Variants in MYO18B observed in about 807,000 individuals in gnomAD.
MYO18B encodes myosin XVIIIB, also known as unconventional myosin-XVIIIb.
In MYO18B, 204 loss-of-function variants were observed where a neutral mutation model predicts 273.0. The observed-to-expected ratio is 0.75, with a 90% CI of 0.67 to 0.84. The LOEUF is 0.84. MYO18B is among the 40% of genes least tolerant of loss of function. The probability of loss-of-function intolerance (pLI) is 0.00; values close to 1 mark genes in which losing one functional copy is unlikely to be tolerated. For missense variants in MYO18B, 3,212 were observed against 3,287.6 expected (o/e 0.98, Z 0.56); for synonymous variants, 1,330 against 1,305.7 (o/e 1.02, Z -0.40).
the MYO18B span, among the ~76,000 whole-genome samples, chr22:26,062,046 C>T: frequency 6.6e-6 from 1 of 152,168 alleles, no homozygotes; most frequent in African/African-American, 2.4e-5. Context: ...AACTTTTCTT[C>T]TCTGTGTGGG....
At chr22:25,972,112 CA>C (rs796261961) in intron 39 of MYO18B, among the ~76,000 whole-genome samples, 2,665 of 130,470 alleles carry the variant, frequency 0.02, 77 homozygotes, top group African/African-American at 0.068. Flanking sequence ...GAGACTGTCT[CA>C]AAAAAAAAAA....
At chr22:26,028,120 C>T (rs1244710668) in intron 43 of MYO18B, among the ~76,000 whole-genome samples, 1 of 152,040 alleles carries the variant, frequency 6.6e-6, no homozygotes, top group Non-Finnish European at 1.5e-5. Context: ...TGACGGGCGC[C>T]TGTAATCCCA....
the MYO18B span, among the ~76,000 whole-genome samples, chr22:26,043,498 CT>C: frequency 2.2e-3 from 319 of 144,716 alleles, 3 homozygotes; most frequent in African/African-American, 7.7e-3. Flanking sequence ...TTTCTTCTTC[CT>C]TTTTTTTCTT....
intron 25 of MYO18B, among the ~76,000 whole-genome samples, chr22:25,889,160 A>G (rs556885378): frequency 5.3e-4 from 79 of 148,748 alleles, no homozygotes; most frequent in Non-Finnish European, 1.0e-3. Context: ...CCCTTTGGCA[A>G]TATATCTTGG....
rs1304083075 is a variant in MYO18B at position 25,772,497 on chromosome 22, C to T, written c.1856C>T (p.Pro619Leu). 6 of 1,613,656 alleles carry T rather than the reference C, an allele frequency of 3.7e-6. No individual in the cohort carries two copies. The East Asian group carries it at 1.3e-4, about 36-fold the overall frequency. The change falls in exon 7 of 44, where the codon CCT (proline) becomes CTT (leucine). Residue 619 changes from proline (P) to leucine (L), a missense_variant. By Grantham distance (98) the Pro-to-Leu change is moderately conservative (BLOSUM62 -3). Transcript: ENST00000335473. ...IVLQPRGPSV[P>L]SAGKVPKGRR... ...CTCCAGCCCCGGGGGCCCTCGGTGC[C>T]TTCTGCAGGGAAGGTGAGGTGGGAC... is the stretch of plus-strand genomic sequence containing the variant.
At chr22:25,755,436 C>A (rs149956237) in intron 1 of MYO18B, among the ~76,000 whole-genome samples, 1 of 152,338 alleles carries the variant, frequency 6.6e-6, no homozygotes, top group South Asian at 2.1e-4. Flanking sequence ...GAACTCCTGA[C>A]CTCAGGTGAT....
the MYO18B span, among the ~76,000 whole-genome samples, chr22:26,052,550 T>C: frequency 6.6e-6 from 1 of 152,098 alleles, no homozygotes; most frequent in African/African-American, 2.4e-5. Flanking sequence ...ACATTTATTA[T>C]GCAAAAAGGA....
intron 22 of MYO18B, 134 bp downstream of exon 22, chr22:25,868,519 A>C: frequency 1.4e-6 from 1 of 709,694 alleles, no homozygotes; most frequent in Non-Finnish European, 2.3e-6. Flanking sequence ...AGAGCTAATG[A>C]TTTTCTGCCC....
chr22:25,921,736 G>GTGTGTGTA (rs1241600744), intron 34 of MYO18B, among the ~76,000 whole-genome samples: 2 of 97,722 alleles, frequency 2.0e-5, no homozygotes, highest in African/African-American at 6.4e-5. Context: ...GTGTGTGTGT[G>GTGTGTGTA]TGTGTATGTG....
intron 40 of MYO18B, among the ~76,000 whole-genome samples, chr22:26,002,342 G>A (rs932787079): frequency 4.6e-5 from 7 of 152,150 alleles, no homozygotes; most frequent in African/African-American, 1.7e-4. Flanking sequence ...AGAACTTCTG[G>A]TCTGACTGAG....
At chr22:25,773,341 C>T (rs1435329882) in intron 7 of MYO18B, among the ~76,000 whole-genome samples, 6 of 152,054 alleles carry the variant, frequency 3.9e-5, no homozygotes, top group African/African-American at 7.2e-5. Context: ...AAGAGTGGCC[C>T]GAGCAGATGA....
Position 25,874,239 on chromosome 22 carries a change from C to G in MYO18B, c.3952-47C>G, listed in dbSNP as rs6004807. The G allele has an allele frequency of 0.066, 106,740 of 1,607,628 alleles. 4,238 individuals carry two copies. The highest frequency in any genetic ancestry group is 0.16 in the African/African-American group (11,704 of 74,514). On this transcript the variant is annotated intron_variant, in intron 22 of 43. Transcript: ENST00000335473. ...TTTGCAAGCACCCCCCCATTGTAGA[C>G]AGCCTTCTTCAGCAGAGGACTCACC... is the stretch of plus-strand genomic sequence containing the variant.
the MYO18B span, among the ~76,000 whole-genome samples, chr22:26,063,422 A>G: frequency 4.6e-5 from 7 of 152,152 alleles, no homozygotes; most frequent in African/African-American, 1.7e-4. Context: ...CACCCTCTCA[A>G]CAGGTGAAGG....
Position 25,781,755 on chromosome 22 carries a change from C to T in MYO18B, c.2233C>T (p.Arg745Cys), listed in dbSNP as rs780914299. 2.1e-5 allele frequency: 33 copies of T among 1,580,568 alleles called. No homozygotes were observed. The South Asian group carries it at 3.1e-4, about 15-fold the overall frequency. The change falls in exon 10 of 44, where the codon CGC becomes TGC. Residue 745 changes from arginine to cysteine, a missense_variant. Coordinates refer to ENST00000335473, the MANE Select transcript of MYO18B (RefSeq NM_032608.7). Reference protein sequence around the residue: ...QLQTMLLEKSRVARQPEGESN... With the variant: ...QLQTMLLEKSCVARQPEGESN... ...GCAGACAATGCTTTTGGAGAAGAGCCGCGTGGCACGGCAGCCGGAAGGGGA... is the reference window on the plus strand; with the variant it reads ...GCAGACAATGCTTTTGGAGAAGAGCTGCGTGGCACGGCAGCCGGAAGGGGA...
chr22:25,869,892 T>C (rs1347140440), intron 22 of MYO18B, among the ~76,000 whole-genome samples: 1 of 152,236 alleles, frequency 6.6e-6, no homozygotes, highest in Admixed American at 6.5e-5. Flanking sequence ...TTTATCCTGA[T>C]AGGAGTTGCA....
At chr22:25,744,053 T>C (rs780808105) in intron 1 of MYO18B, among the ~76,000 whole-genome samples, 10 of 152,132 alleles carry the variant, frequency 6.6e-5, no homozygotes, top group Non-Finnish European at 1.2e-4. Flanking sequence ...GAGAAGAGCT[T>C]TTCCTTTCAC....
In MYO18B at chr22:25,952,875, T is replaced by C. The variant is rs1601672482; in HGVS notation, c.5970+452T>C. ...AATTTATTTTGCACCCAGTGTGGGC[T>C]AGGCCCTGTTTTAGGTGCACAGAAG... On this transcript the variant is annotated intron_variant, in intron 38 of 43. Coordinates refer to ENST00000335473, the MANE Select transcript of MYO18B (RefSeq NM_032608.7). Among the ~76,000 whole-genome samples the C allele has an allele frequency of 2.0e-5, 3 of 152,268 alleles. No individual in the cohort carries two copies. In the South Asian group the frequency reaches 6.2e-4, roughly 31 times the overall value.
downstream of MYO18B, chr22:26,031,113 AATTT>A (rs1936654748): frequency 2.5e-6 from 1 of 395,148 alleles, no homozygotes; most frequent in Non-Finnish European, 4.5e-6. Context: ...AAGAACCTTG[AATTT>A]ATTCCCTTTT....
At chr22:25,895,321 A>T in intron 28 of MYO18B, 41 bp downstream of exon 28, 1 of 1,563,148 alleles carries the variant, frequency 6.4e-7, no homozygotes, top group South Asian at 1.2e-5. Flanking sequence ...AGTGTTAGAG[A>T]GTGGGCAGGC....
Sources: allele counts gnomAD v4.1 joint callset (sites outside exome capture counted in the v4.1 genomes callset), GRCh38; gene constraint gnomAD v4.1.1; transcripts MANE v1.5; gene names NCBI Gene and HGNC (gene_info 2026-07-23, HGNC 2026-07-21).